The following BBS9 variants were observed in gnomAD, a reference collection of about 807,000 sequenced individuals.
BBS9 encodes protein PTHB1.
In BBS9, 89 loss-of-function variants were observed where a neutral mutation model predicts 117.7. The observed-to-expected ratio is 0.76, with a 90% CI of 0.64 to 0.90. The LOEUF (loss-of-function observed/expected upper bound fraction) is 0.90. Among genes scored for constraint, BBS9 ranks in the 40% least tolerant of loss-of-function variants. BBS9 has a pLI of 0.00. For synonymous variants in BBS9, 379 were observed against 370.9 expected (o/e 1.02, Z -0.25); for missense variants, 982 against 1,042.2 (o/e 0.94, Z 0.80).
intron 9 of BBS9, among the ~76,000 whole-genome samples, chr7:33,277,899 T>C (rs1801055469): frequency 6.6e-6 from 1 of 152,166 alleles, no homozygotes; most frequent in Non-Finnish European, 1.5e-5. Flanking sequence ...TCTGGAATAA[T>C]GGCTGGCAAT....
intron 19 of BBS9, among the ~76,000 whole-genome samples, chr7:33,404,548 G>T (rs1829572860): frequency 6.6e-6 from 1 of 152,026 alleles, no homozygotes. Context: ...CCTCCTTGAA[G>T]AGGTCCTTCA....
chr7:33,390,412 G>A, intron 19 of BBS9: 1 of 985,228 alleles, frequency 1.0e-6, no homozygotes, highest in Non-Finnish European at 1.2e-6. Context: ...TTACAGACAA[G>A]ACGATCAAAA....
At chr7:33,483,096 T>C (rs901749198) in intron 19 of BBS9, among the ~76,000 whole-genome samples, 7 of 150,828 alleles carry the variant, frequency 4.6e-5, no homozygotes, top group African/African-American at 1.7e-4. Context: ...AAACACCTTT[T>C]CTTTGGGGGG....
At chr7:33,258,912 AC>A (rs1353896813) in intron 6 of BBS9, among the ~76,000 whole-genome samples, 1 of 152,238 alleles carries the variant, frequency 6.6e-6, no homozygotes, top group African/African-American at 2.4e-5. Flanking sequence ...TCTCCAACAT[AC>A]CAATCTATTA....
At chr7:33,574,413 C>A (rs1461639960) in intron 21 of BBS9, among the ~76,000 whole-genome samples, 1 of 151,974 alleles carries the variant, frequency 6.6e-6, no homozygotes, top group Non-Finnish European at 1.5e-5. Context: ...TTCCAGTCAT[C>A]CAACAAGGTA....
At chr7:33,358,483 G>C (rs1184613205) in intron 16 of BBS9, among the ~76,000 whole-genome samples, 2 of 151,876 alleles carry the variant, frequency 1.3e-5, no homozygotes, top group Non-Finnish European at 2.9e-5. Flanking sequence ...AGCAGCTAGA[G>C]GGTGTGCATC....
rs543716160 is a variant in BBS9, at chr7:33,313,801, G to A, written c.1017-22640G>A. ...TGATTATTGAGGCTAATGGTGAATAGCAATAACAACTGAAAGCCATTTACA... is the reference window on the plus strand; with the variant it reads ...TGATTATTGAGGCTAATGGTGAATAACAATAACAACTGAAAGCCATTTACA... On this transcript the variant is annotated intron_variant, in intron 9 of 22. Transcript: ENST00000242067. 7.9e-5 allele frequency among the ~76,000 whole-genome samples: 12 copies of A among 152,264 alleles called. No homozygotes were observed. In the South Asian group the frequency reaches 2.5e-3, roughly 32 times the overall value.
chr7:33,605,165 CTCTT>C, intron 22 of BBS9, 26 bp from the exon 23 acceptor site: 1 of 1,596,852 alleles, frequency 6.3e-7, no homozygotes, highest in East Asian at 2.2e-5. Context: ...TCTTTTCTCT[CTCTT>C]TCTCTCTTAC....
chr7:33,362,783 A>G (rs1352164210), intron 16 of BBS9, among the ~76,000 whole-genome samples: 1 of 152,186 alleles, frequency 6.6e-6, no homozygotes, highest in Non-Finnish European at 1.5e-5. Context: ...CATCTTGTAA[A>G]TTAAATAAAA....
chr7:33,409,314 A>G (rs1207318880), intron 19 of BBS9, among the ~76,000 whole-genome samples: 4 of 152,190 alleles, frequency 2.6e-5, no homozygotes, highest in Non-Finnish European at 5.9e-5. Flanking sequence ...TCTTTGATCC[A>G]TCTTGAGTTA....
At chr7:33,574,319 G>T (rs942083715) in intron 21 of BBS9, among the ~76,000 whole-genome samples, 1 of 152,070 alleles carries the variant, frequency 6.6e-6, no homozygotes, top group African/African-American at 2.4e-5. Context: ...CCAACTGTGG[G>T]TCAGTGGTAA....
At chr7:33,476,626 T>C (rs1386265563) in intron 19 of BBS9, among the ~76,000 whole-genome samples, 2 of 152,146 alleles carry the variant, frequency 1.3e-5, no homozygotes, top group Non-Finnish European at 2.9e-5. Flanking sequence ...GTTGCTAATC[T>C]CTAAATTAGC....
At chr7:33,192,975 C>T (rs552605870) in intron 5 of BBS9, among the ~76,000 whole-genome samples, 1 of 152,338 alleles carries the variant, frequency 6.6e-6, no homozygotes, top group African/African-American at 2.4e-5. Flanking sequence ...TAATTTTCAA[C>T]ACAGGAATTT....
At chr7:33,621,478 C>T (rs1301299468) in intron 21 of BBS9, among the ~76,000 whole-genome samples, 1 of 152,036 alleles carries the variant, frequency 6.6e-6, no homozygotes, top group Non-Finnish European at 1.5e-5. Context: ...ATAAATTAAA[C>T]CACAATGAGA....
chr7:33,188,408 T>G (rs1249640149), intron 5 of BBS9, among the ~76,000 whole-genome samples: 4 of 152,320 alleles, frequency 2.6e-5, no homozygotes, highest in African/African-American at 9.6e-5. Flanking sequence ...AAATTGACTT[T>G]TTAACTTATA....
In BBS9 at chr7:33,187,565, A is replaced by G. The variant is rs142655972; in HGVS notation, c.442+9974A>G. ...CCCCTCATCCATTCGATGCATATTT[A>G]CTAAGAATTCTGAGTGCCCAGGCAC... On this transcript the variant is annotated intron_variant, in intron 5 of 22. Transcript: ENST00000242067. Among the ~76,000 whole-genome samples the G allele has an allele frequency of 1.7e-3, 262 of 152,244 alleles. 1 individual carries two copies. Among genetic ancestry groups the G allele is most frequent in the African/African-American group, 6.0e-3 (249 of 41,534 alleles).
chr7:33,587,505 A>G (rs749583315), intron 21 of BBS9, among the ~76,000 whole-genome samples: 2 of 152,128 alleles, frequency 1.3e-5, no homozygotes, highest in Non-Finnish European at 2.9e-5. Context: ...TGTGTTTATA[A>G]AAGCTTGGTT....
intron 21 of BBS9, among the ~76,000 whole-genome samples, chr7:33,546,785 C>A (rs1424025747): frequency 6.6e-6 from 1 of 152,200 alleles, no homozygotes; most frequent in Non-Finnish European, 1.5e-5. Flanking sequence ...TTCCCTGGTC[C>A]TCCTCCTGGA....
At chr7:33,204,346 G>A (rs1362859277) in intron 5 of BBS9, among the ~76,000 whole-genome samples, 1 of 149,766 alleles carries the variant, frequency 6.7e-6, no homozygotes, top group Non-Finnish European at 1.5e-5. Context: ...GGCAGAGGTT[G>A]CAGTGAGTCG....
Sources: gnomAD v4.1 joint callset for allele counts (sites outside exome capture counted in the v4.1 genomes callset) on GRCh38, gnomAD v4.1.1 for gene constraint, MANE v1.5 for transcripts, NCBI Gene and HGNC (gene_info 2026-07-23, HGNC 2026-07-21) for gene names.